C7: variants seen among roughly 807,000 people sequenced by gnomAD.
C7 encodes complement component C7.
Under a neutral mutation model 104.8 loss-of-function variants are expected in C7, and 83 were observed. That is an observed-to-expected ratio of 0.79 (90% CI 0.66 to 0.95). The LOEUF is 0.95. Ranked by LOEUF, C7 falls within the 40% of genes least tolerant of loss-of-function variation. The pLI, the probability that C7 is intolerant of heterozygous loss-of-function variation, is 0.00. For missense variants in C7, 1,070 were observed against 1,011.2 expected (o/e 1.06, Z -0.79); for synonymous variants, 415 against 360.6 (o/e 1.15, Z -1.71).
At chr5:40,974,490 A>G (rs1039801855) in intron 15 of C7, among the ~76,000 whole-genome samples, 1 of 150,316 alleles carries the variant, frequency 6.7e-6, no homozygotes, top group Non-Finnish European at 1.5e-5. Flanking sequence ...ATCTCAGCTC[A>G]CTGCAAGTTC....
chr5:40,965,350 A>AT (rs1740519795), intron 14 of C7, among the ~76,000 whole-genome samples: 1 of 152,094 alleles, frequency 6.6e-6, no homozygotes, highest in African/African-American at 2.4e-5. Context: ...GCAGTGATAC[A>AT]TTTTTCCTAA....
intron 1 of C7, among the ~76,000 whole-genome samples, chr5:40,912,982 T>C (rs1739241237): frequency 6.6e-6 from 1 of 152,208 alleles, no homozygotes; most frequent in Non-Finnish European, 1.5e-5. Flanking sequence ...GTCTCCAATG[T>C]CTATTATTCC....
chr5:40,923,610 G>A (rs1243264540), intron 1 of C7, among the ~76,000 whole-genome samples: 1 of 152,124 alleles, frequency 6.6e-6, no homozygotes, highest in African/African-American at 2.4e-5. Flanking sequence ...GCCAGGCATG[G>A]TAGCAGGTGC....
chr5:40,937,836 A>C lies in C7; in HGVS notation c.567+146A>C. The C allele has an allele frequency of 1.5e-5, 11 of 723,386 alleles. No homozygotes were observed. The South Asian group carries it at 2.4e-4, about 16-fold the overall frequency. 44.8% of individuals were successfully genotyped at this position (723,386 alleles called of 1,614,324 possible). On this transcript the variant is annotated intron_variant, in intron 6 of 17. Transcript: ENST00000313164. ...AATGTTTTATGTTGACTTAAAAAGT[A>C]TACACAGTGTTTTTGCTTTGGGGTA...
At chr5:40,939,193 C>A (rs368047504) in intron 6 of C7, among the ~76,000 whole-genome samples, 2 of 152,270 alleles carry the variant, frequency 1.3e-5, no homozygotes, top group East Asian at 3.9e-4. Context: ...GCAAACATAC[C>A]GTCTTCCAAT....
At chr5:40,920,816 A>G (rs1739422868) in intron 1 of C7, among the ~76,000 whole-genome samples, 1 of 152,198 alleles carries the variant, frequency 6.6e-6, no homozygotes, top group South Asian at 2.1e-4. Flanking sequence ...TGGGAGGCCA[A>G]GGAGGGTGGA....
At position 40,984,509 on chromosome 5, in the gene C7, C is replaced by T. The variant is rs547689073; in HGVS notation, c.*2936C>T. Among the ~76,000 whole-genome samples, 149 of 152,302 alleles carry T rather than the reference C, an allele frequency of 9.8e-4. No homozygotes were observed. Among genetic ancestry groups the T allele is most frequent in the Middle Eastern group, 3.4e-3 (1 of 294 alleles). On this transcript the variant is annotated 3_prime_UTR_variant, in exon 18 of 18. Coordinates refer to ENST00000313164, the MANE Select transcript of C7 (RefSeq NM_000587.4). ...GCAAGTGCTGAGCAGCTGGTTTATACAGCATTCCCTGAAACAGCCTAGTAT... is the reference window on the plus strand; with the variant it reads ...GCAAGTGCTGAGCAGCTGGTTTATATAGCATTCCCTGAAACAGCCTAGTAT...
chr5:40,950,021 G>A lies in C7; in HGVS notation c.1093+7G>A. On this transcript the variant is annotated splice_region_variant and intron_variant, in intron 9 of 17. Transcript: ENST00000313164. ...GCTTTAAAAGCTGCTTCAGGTAAAT[G>A]GAAAAAGAGCAGTTTGCATTGCAAG... 2 of 1,531,732 alleles carry A rather than the reference G, an allele frequency of 1.3e-6. No individual in the cohort carries two copies. Among genetic ancestry groups the A allele is most frequent in the Non-Finnish European group, 1.8e-6 (2 of 1,123,894 alleles). The allele number at this position is 1,531,732 out of a possible 1,614,324, so 94.9% of individuals were successfully genotyped here.
chr5:40,913,306 T>C (rs1209563780), intron 1 of C7, among the ~76,000 whole-genome samples: 1 of 152,194 alleles, frequency 6.6e-6, no homozygotes, highest in East Asian at 1.9e-4. Context: ...TCTTTTCCTT[T>C]GGGTAGATAC....
chr5:40,953,889 A>T (rs1740231531), intron 9 of C7, among the ~76,000 whole-genome samples: 1 of 152,216 alleles, frequency 6.6e-6, no homozygotes, highest in South Asian at 2.1e-4. Context: ...AATAAAAAAT[A>T]AAAAAACAAA....
chr5:40,983,433 T>C lies in C7; in HGVS notation c.*1860T>C, dbSNP rs1467393324. Reference sequence around the variant, plus strand: ...TGAGGTTTGAAAGAAAGGAAATGAGTAGATGTAACTAAGAGGTTTGAGAAA... The same window carrying C: ...TGAGGTTTGAAAGAAAGGAAATGAGCAGATGTAACTAAGAGGTTTGAGAAA... On this transcript the variant is annotated 3_prime_UTR_variant, in exon 18 of 18. Transcript: ENST00000313164. Among the ~76,000 whole-genome samples the C allele has an allele frequency of 6.6e-6, 1 of 152,062 alleles. No homozygotes were observed.
intron 6 of C7, among the ~76,000 whole-genome samples, chr5:40,943,036 A>G (rs980487401): frequency 1.3e-5 from 2 of 152,244 alleles, no homozygotes; most frequent in Non-Finnish European, 2.9e-5. Context: ...TGCTGGGATT[A>G]CAGGCATAAG....
chr5:40,964,376 A>C (rs1485443132), intron 13 of C7: 1 of 184,282 alleles, frequency 5.4e-6, no homozygotes, highest in Non-Finnish European at 1.1e-5. Context: ...TTGACTGACA[A>C]AGATGTTCTC....
At chr5:40,947,558 T>A (rs771294875) in intron 7 of C7, 44 bp from the exon 8 acceptor site, 1 of 1,604,704 alleles carries the variant, frequency 6.2e-7, no homozygotes, top group Admixed American at 1.7e-5. Context: ...ATTGCCTTTT[T>A]ATCTTCCACC....
chr5:40,954,893 A>AGAAG (rs1235366687), intron 9 of C7: 1 of 291,884 alleles, frequency 3.4e-6, no homozygotes, highest in Non-Finnish European at 6.6e-6. Context: ...AAAAAAAAAA[A>AGAAG]AAAAAAAAAA....
intron 13 of C7, chr5:40,964,526 T>C: frequency 2.2e-6 from 1 of 447,596 alleles, no homozygotes; most frequent in South Asian, 2.7e-5. Flanking sequence ...AATCAATACA[T>C]TATAGACAGT....
chr5:40,945,875 CAT>C (rs58480949), intron 7 of C7, among the ~76,000 whole-genome samples: 20,227 of 126,466 alleles, frequency 0.16, 1,473 homozygotes, highest in Admixed American at 0.26. Context: ...AAAAAAAATA[CAT>C]ATATATATAT....
At chr5:40,929,297 C>T (rs1739626747) in intron 2 of C7, among the ~76,000 whole-genome samples, 1 of 152,130 alleles carries the variant, frequency 6.6e-6, no homozygotes, top group Admixed American at 6.5e-5. Flanking sequence ...GATGTGAGAG[C>T]ACAGCAGGAA....
intron 14 of C7, chr5:40,972,049 C>T: frequency 2.1e-6 from 1 of 467,996 alleles, no homozygotes; most frequent in South Asian, 1.6e-5. Context: ...TGAAACTCTC[C>T]TGGTGGAACA....
Sources: allele counts gnomAD v4.1 joint callset (sites outside exome capture counted in the v4.1 genomes callset), GRCh38; gene constraint gnomAD v4.1.1; transcripts MANE v1.5; gene names NCBI Gene and HGNC (gene_info 2026-07-23, HGNC 2026-07-21).